Variants in AIPL1 observed in about 807,000 individuals in gnomAD.
The protein encoded by AIPL1 is AIP like 1 HSP90 co-chaperone.
Under a neutral mutation model 32.9 loss-of-function variants are expected in AIPL1, and 23 were observed. That is an observed-to-expected ratio of 0.70 (90% CI 0.50 to 0.99). AIPL1 has a LOEUF of 0.99. AIPL1 is among the 50% of genes least tolerant of loss of function. The pLI, the probability that AIPL1 is intolerant of heterozygous loss-of-function variation, is 0.00. For missense variants in AIPL1, 485 were observed against 506.0 expected (o/e 0.96, Z 0.40); for synonymous variants, 210 against 209.4 (o/e 1.00, Z -0.02).
intron 2 of AIPL1, 50 bp from the exon 3 acceptor site, chr17:6,428,556 G>C: frequency 1.3e-6 from 2 of 1,582,464 alleles, no homozygotes; most frequent in Non-Finnish European, 1.7e-6. Context: ...CCCAGAGCTA[G>C]GTGGGCCATA....
At position 6,433,586 on chromosome 17, in the gene AIPL1, A is replaced by ATCTCTCTCTCTCTCTC. The variant is rs149646818; in HGVS notation, c.276+317_276+332dup. Among the ~76,000 whole-genome samples the ATCTCTCTCTCTCTCTC allele has an allele frequency of 1.3e-3, 84 of 65,556 alleles. 1 individual carries two copies. Among genetic ancestry groups the ATCTCTCTCTCTCTCTC allele is most frequent in the African/African-American group, 4.5e-3 (70 of 15,394 alleles). The allele number at this position is 65,556 out of a possible 152,430, so 43.0% of individuals were successfully genotyped here. ...AGCCTGGGTGACAGAGCGAGACCCT[A>ATCTCTCTCTCTCTCTC]TCTCTCTCTCTCTCTCTCTCTCTCT... On this transcript the variant is annotated intron_variant, in intron 2 of 5. Transcript: ENST00000381129.
At chr17:6,433,870 A>AGCCCAGAAAAGACTAATCCCAGGAGACAG in intron 2 of AIPL1, 49 bp downstream of exon 2, 1 of 1,598,312 alleles carries the variant, frequency 6.3e-7, no homozygotes, top group Non-Finnish European at 8.5e-7. Flanking sequence ...CGGGTGGGTG[A>AGCCCAGAAAAGACTAATCCCAGGAGACAG]GCCCAGAAAA....
rs1475585636 is a variant in AIPL1, at chr17:6,425,772, G to C, written c.843C>G (p.Ala281=). The C allele has an allele frequency of 6.2e-7, 1 of 1,606,480 alleles. No homozygotes were observed. The highest frequency in any genetic ancestry group is 1.3e-5 in the African/African-American group (1 of 74,872). The change falls in exon 6 of 6, where the codon GCC becomes GCG. Residue 281 remains alanine (A), a synonymous_variant. Coordinates refer to ENST00000381129, the MANE Select transcript of AIPL1 (RefSeq NM_014336.5). Reference sequence around the variant, plus strand: ...CTTTCTGGAGGTCCGCCTTGGCCTCGGCCTCATTCCACACCTCTGCGTGAG... The same window carrying C: ...CTTTCTGGAGGTCCGCCTTGGCCTCCGCCTCATTCCACACCTCTGCGTGAG... ...ARAHAEVWNE[A]EAKADLQKVL...
chr17:6,434,973 G>T, intron 1 of AIPL1, 36 bp downstream of exon 1: 1 of 1,612,298 alleles, frequency 6.2e-7, no homozygotes, highest in Non-Finnish European at 8.5e-7. Flanking sequence ...AAGCTGCTGT[G>T]GGGGACCCTG....
chr17:6,430,218 G>A (rs1353403908), intron 2 of AIPL1, among the ~76,000 whole-genome samples: 15 of 152,026 alleles, frequency 9.9e-5, no homozygotes, highest in Non-Finnish European at 1.5e-5. Context: ...CACTTTGGGA[G>A]GTCAAGGCCA....
chr17:6,429,800 ATAGG>A (rs35892779), intron 2 of AIPL1, among the ~76,000 whole-genome samples: 1,919 of 148,998 alleles, frequency 0.013, 13 homozygotes, highest in African/African-American at 0.021. Context: ...TTCTAACTAG[ATAGG>A]TAGGTAGGTA....
chr17:6,434,682 A>G (rs948540243), intron 1 of AIPL1, among the ~76,000 whole-genome samples: 4 of 152,102 alleles, frequency 2.6e-5, no homozygotes, highest in Non-Finnish European at 4.4e-5. Context: ...GTAGCCACAG[A>G]CGCACCCTTC....
intron 1 of AIPL1, 100 bp from the exon 2 acceptor site, chr17:6,434,198 G>T (rs1235627043): frequency 1.5e-6 from 2 of 1,354,224 alleles, no homozygotes; most frequent in Non-Finnish European, 2.0e-6. Context: ...CCCAGGGTCA[G>T]CTCACTCAGT....
intron 3 of AIPL1, 22 bp downstream of exon 3, chr17:6,428,296 G>A: frequency 6.2e-7 from 1 of 1,603,806 alleles, no homozygotes; most frequent in Non-Finnish European, 8.5e-7. Context: ...CAGCCCTCCA[G>A]CCCTGCCAAC....
chr17:6,430,677 G>A (rs993371941), intron 2 of AIPL1, among the ~76,000 whole-genome samples: 4 of 152,134 alleles, frequency 2.6e-5, no homozygotes, highest in Non-Finnish European at 5.9e-5. Context: ...TCATGTGTTA[G>A]CAAACGTGTA....
At chr17:6,430,309 G>T (rs1912462068) in intron 2 of AIPL1, among the ~76,000 whole-genome samples, 1 of 151,706 alleles carries the variant, frequency 6.6e-6, no homozygotes, top group South Asian at 2.1e-4. Flanking sequence ...TACAAAAATT[G>T]GCCCGGTGTG....
At chr17:6,434,910 T>G (rs1913026616) in intron 1 of AIPL1, 99 bp downstream of exon 1, 1 of 1,575,256 alleles carries the variant, frequency 6.3e-7, no homozygotes, top group East Asian at 2.3e-5. Flanking sequence ...GGCTGTTTTT[T>G]TGGCACAGCT....
rs1047778179 is a variant in AIPL1 at position 6,428,307 on chromosome 17, C to A, written c.465+11G>T. On this transcript the variant is annotated intron_variant, in intron 3 of 5. Transcript: ENST00000381129. ...GGCACAGCCCTCCAGCCCTGCCAAC[C>A]CCAGCCCCACCTGCAGCAGCTCGAT... 6.2e-7 allele frequency: 1 copy of A among 1,605,606 alleles called. No homozygotes were observed. The highest frequency in any genetic ancestry group is 8.5e-7 in the Non-Finnish European group (1 of 1,179,988).
chr17:6,429,362 T>C (rs1293812213), intron 2 of AIPL1, among the ~76,000 whole-genome samples: 1 of 152,190 alleles, frequency 6.6e-6, no homozygotes, highest in Non-Finnish European at 1.5e-5. Flanking sequence ...GCAGTTCAGC[T>C]CTGCCTCCAG....
chr17:6,434,356 C>CTTTTTTT (rs71381392), intron 1 of AIPL1, among the ~76,000 whole-genome samples: 10 of 105,008 alleles, frequency 9.5e-5, no homozygotes, highest in South Asian at 3.8e-4. Context: ...AGCCCGAGTT[C>CTTTTTTT]TTTTTTTTTT....
chr17:6,433,895 G>A (rs1188682862), intron 2 of AIPL1, 24 bp downstream of exon 2: 1 of 1,611,090 alleles, frequency 6.2e-7, no homozygotes, highest in Admixed American at 1.7e-5. Context: ...AGTCCCAGGA[G>A]ACAGGCGCGC....
In AIPL1 at chr17:6,435,045, GC is replaced by G. The variant is rs1281214893; in HGVS notation, c.59del (p.Gly20AlafsTer14). ...TGATGAAGTTTGGGAGCTCGCCCGT[GC>G]CCCCGTGCAGAATGGTTTTCTTGAC... is the stretch of plus-strand genomic sequence containing the variant. Reference protein sequence around the residue: ...EGVKKTILHGGTGELPNFITG... With the variant: ...EGVKKTILHGXTGELPNFITG... On this transcript the variant is annotated frameshift_variant, in exon 1 of 6. Coordinates refer to ENST00000381129, the MANE Select transcript of AIPL1 (RefSeq NM_014336.5). LOFTEE classifies it high-confidence loss of function. 2 of 1,614,206 alleles carry G rather than the reference GC, an allele frequency of 1.2e-6. No individual in the cohort carries two copies. The highest frequency in any genetic ancestry group is 1.7e-6 in the Non-Finnish European group (2 of 1,180,040).
In AIPL1 at chr17:6,425,646, G is replaced by A. The variant is rs752673533; in HGVS notation, c.969C>T (p.Cys323=). The A allele has an allele frequency of 5.0e-6, 8 of 1,611,978 alleles. 1 individual carries two copies. The South Asian group carries it at 6.6e-5, about 13-fold the overall frequency. The change falls in exon 6 of 6, where the codon TGC becomes TGT. Residue 323 remains cysteine (C), a synonymous_variant. Transcript: ENST00000381129. Reference sequence around the variant, plus strand: ...TGGCACCCTGGCTCAGCATGTTCCGGCAGCGCAGCCGCTCCTCCTCCTGCT... The same window carrying A: ...TGGCACCCTGGCTCAGCATGTTCCGACAGCGCAGCCGCTCCTCCTCCTGCT... The part of the protein sequence containing the change: ...AEKQEEERLR[C]RNMLSQGATQ...
rs750026882 is a variant in AIPL1 at position 6,425,314 on chromosome 17, T to TTG, written c.*145_*146insCA. ...TTCTGTACCCTTGGGATTGTTTTTTTTTTTTTTTTTACCATGGGTGTGTCT... is the reference window on the plus strand; with the variant it reads ...TTCTGTACCCTTGGGATTGTTTTTTTTGTTTTTTTTTTACCATGGGTGTGTCT... On this transcript the variant is annotated 3_prime_UTR_variant, in exon 6 of 6. Transcript: ENST00000381129. 6.1e-3 allele frequency: 6,603 copies of TTG among 1,081,408 alleles called. 37 individuals are homozygous for TTG. The highest frequency in any genetic ancestry group is 7.6e-3 in the Non-Finnish European group (6,003 of 788,002). 67.0% of individuals were successfully genotyped at this position (1,081,408 alleles called of 1,614,324 possible). A position where few individuals can be genotyped will look rare whatever the true frequency, so the allele number is the denominator to read the frequency against.
Sources: gnomAD v4.1 joint callset for allele counts (sites outside exome capture counted in the v4.1 genomes callset) on GRCh38, gnomAD v4.1.1 for gene constraint, MANE v1.5 for transcripts, NCBI Gene and HGNC (gene_info 2026-07-23, HGNC 2026-07-21) for gene names.